Variants in XPNPEP1 observed in about 807,000 individuals in gnomAD.
XPNPEP1 encodes xaa-Pro aminopeptidase 1.
Under a neutral mutation model 92.4 loss-of-function variants are expected in XPNPEP1, and 39 were observed. The ratio of observed to expected loss-of-function variants is 0.42; its 90% CI spans 0.33 to 0.55. The LOEUF is 0.55. Ranked by LOEUF, XPNPEP1 falls within the 20% of genes least tolerant of loss-of-function variation. The pLI, the probability that XPNPEP1 is intolerant of heterozygous loss-of-function variation, is 0.08. For missense variants in XPNPEP1, 654 were observed against 856.1 expected (o/e 0.76, Z 2.95); for synonymous variants, 307 against 299.4 (o/e 1.03, Z -0.26).
Position 109,874,410 on chromosome 10 carries a change from T to C in XPNPEP1, c.1392-983A>G, listed in dbSNP as rs146786114. Among the ~76,000 whole-genome samples, 1,161 of 152,294 alleles carry C rather than the reference T, an allele frequency of 7.6e-3. 21 individuals carry two copies. The highest frequency in any genetic ancestry group is 0.026 in the African/African-American group (1,100 of 41,556). On this transcript the variant is annotated intron_variant, in intron 15 of 20. Transcript: ENST00000502935. ...GAGACCCTAAAAATATCCAAGTACATATCTTAACACACACTAGACTATATC... is the reference window on the plus strand; with the variant it reads ...GAGACCCTAAAAATATCCAAGTACACATCTTAACACACACTAGACTATATC...
At position 109,870,400 on chromosome 10, in the gene XPNPEP1, C is replaced by T. The variant is rs192685473; in HGVS notation, c.1696+331G>A. Among the ~76,000 whole-genome samples the T allele has an allele frequency of 1.5e-3, 223 of 152,024 alleles. 1 individual carries two copies. The highest frequency in any genetic ancestry group is 5.2e-3 in the African/African-American group (216 of 41,456). On this transcript the variant is annotated intron_variant, in intron 18 of 20. Transcript: ENST00000502935. Reference sequence around the variant, plus strand: ...AAAGGCAATGTATCAAGTAAGAAAGCAGAACATAAGACAAGATGCCCAGTA... The same window carrying T: ...AAAGGCAATGTATCAAGTAAGAAAGTAGAACATAAGACAAGATGCCCAGTA...
Position 109,877,781 on chromosome 10 carries a change from A to G in XPNPEP1, c.1319+9T>C. On this transcript the variant is annotated intron_variant, in intron 14 of 20. Coordinates refer to ENST00000502935, the MANE Select transcript of XPNPEP1 (RefSeq NM_020383.4). The stretch of plus-strand genomic sequence containing the variant: ...AAGGCCAGGCAGCATGCTCCTCCGC[A>G]TGCCTTACGCGTAGTGAATGATGGC... The G allele has an allele frequency of 1.9e-6, 3 of 1,614,110 alleles. No individual in the cohort carries two copies. The highest frequency in any genetic ancestry group is 4.5e-5 in the East Asian group (2 of 44,894).
At chr10:109,914,164 C>T (rs1350392832) in intron 2 of XPNPEP1, among the ~76,000 whole-genome samples, 3 of 151,776 alleles carry the variant, frequency 2.0e-5, no homozygotes, top group Non-Finnish European at 2.9e-5. Context: ...TACAGTAATA[C>T]ACCACTTTTC....
At chr10:109,897,191 T>C (rs1394731805) in intron 3 of XPNPEP1, among the ~76,000 whole-genome samples, 1 of 151,942 alleles carries the variant, frequency 6.6e-6, no homozygotes, top group Non-Finnish European at 1.5e-5. Context: ...CATGAGAAAT[T>C]ACCCAATTTT....
chr10:109,905,001 A>G (rs1043852062), intron 3 of XPNPEP1, among the ~76,000 whole-genome samples: 2 of 152,228 alleles, frequency 1.3e-5, no homozygotes, highest in African/African-American at 4.8e-5. Context: ...CAAGAGGTGG[A>G]AAAAACTGAA....
At chr10:109,884,816 A>G (rs180909958) in intron 8 of XPNPEP1, among the ~76,000 whole-genome samples, 1 of 152,366 alleles carries the variant, frequency 6.6e-6, no homozygotes, top group East Asian at 1.9e-4. Flanking sequence ...AGACCAGGAG[A>G]GAGCACAGTT....
rs773199643 is a variant in XPNPEP1 at position 109,891,854 on chromosome 10, G to T, written c.311-28C>A. 3 of 1,606,464 alleles carry T rather than the reference G, an allele frequency of 1.9e-6. No individual in the cohort carries two copies. The South Asian group carries it at 3.3e-5, about 18-fold the overall frequency. ...GAAGCAGGGGAGAAAAAAAAAAGAA[G>T]AAGAAAGGTTTCTAACAACTGCTCA... is the stretch of plus-strand genomic sequence containing the variant. On this transcript the variant is annotated intron_variant, in intron 4 of 20. Transcript: ENST00000502935.
intron 1 of XPNPEP1, among the ~76,000 whole-genome samples, chr10:109,917,366 G>C (rs941394500): frequency 2.0e-5 from 3 of 151,974 alleles, no homozygotes; most frequent in Non-Finnish European, 4.4e-5. Flanking sequence ...ATAAAATTAA[G>C]AAAAGTCCAT....
chr10:109,870,920 A>G lies in XPNPEP1; in HGVS notation c.1523-16T>C, dbSNP rs1290838102. On this transcript the variant is annotated splice_polypyrimidine_tract_variant and intron_variant, in intron 17 of 20. Coordinates refer to ENST00000502935, the MANE Select transcript of XPNPEP1 (RefSeq NM_020383.4). ...AGAAGGTGACCTGAAAGACATAAAG[A>G]GCCACTTAATTGTATTTGTACAGCG... 1 of 1,611,452 alleles carries G rather than the reference A, an allele frequency of 6.2e-7. No individual in the cohort carries two copies. The highest frequency in any genetic ancestry group is 1.7e-5 in the Admixed American group (1 of 59,390).
chr10:109,888,665 C>T (rs1848538964), intron 5 of XPNPEP1, 70 bp from the exon 6 acceptor site: 4 of 1,268,786 alleles, frequency 3.2e-6, no homozygotes, highest in Non-Finnish European at 4.4e-6. Context: ...CAGAAAGATA[C>T]AATTCTCTAA....
intron 16 of XPNPEP1, among the ~76,000 whole-genome samples, chr10:109,872,870 C>T (rs562527893): frequency 6.6e-5 from 10 of 152,176 alleles, no homozygotes; most frequent in Non-Finnish European, 1.5e-4. Context: ...GAAGCCAGGT[C>T]TCCAGACCCC....
intron 5 of XPNPEP1, among the ~76,000 whole-genome samples, chr10:109,890,463 GA>G (rs2133440664): frequency 6.6e-6 from 1 of 152,068 alleles, no homozygotes; most frequent in African/African-American, 2.4e-5. Flanking sequence ...GCGGGTGCTT[GA>G]CTCCCATTAA....
intron 3 of XPNPEP1, among the ~76,000 whole-genome samples, chr10:109,902,794 A>C (rs748918728): frequency 5.3e-5 from 8 of 152,204 alleles, no homozygotes; most frequent in Non-Finnish European, 1.0e-4. Context: ...TACAAAACAC[A>C]TCTGTCTCAG....
intron 3 of XPNPEP1, 116 bp from the exon 4 acceptor site, chr10:109,893,191 C>A: frequency 1.1e-6 from 1 of 917,172 alleles, no homozygotes; most frequent in South Asian, 1.6e-5. Flanking sequence ...AATCCTTGGC[C>A]CCCGCCCTCA....
intron 2 of XPNPEP1, among the ~76,000 whole-genome samples, chr10:109,910,584 C>T (rs1424890583): frequency 6.6e-6 from 1 of 151,778 alleles, no homozygotes; most frequent in Non-Finnish European, 1.5e-5. Context: ...TAAGGTTCCT[C>T]TATGTCTTTT....
chr10:109,880,830 T>C lies in XPNPEP1; in HGVS notation c.1131+12A>G. The C allele has an allele frequency of 6.2e-7, 1 of 1,613,228 alleles. No individual in the cohort carries two copies. Among genetic ancestry groups the C allele is most frequent in the Non-Finnish European group, 8.5e-7 (1 of 1,179,630 alleles). The stretch of plus-strand genomic sequence containing the variant: ...CTCACATCCCATCTTCTGCACCAGC[T>C]CCTCTACTCACGTGAGCCCGCCTCA... On this transcript the variant is annotated intron_variant, in intron 11 of 20. Transcript: ENST00000502935.
intron 9 of XPNPEP1, chr10:109,883,826 G>T: frequency 2.4e-6 from 1 of 421,028 alleles, no homozygotes; most frequent in East Asian, 3.8e-5. Context: ...ACATCAAATG[G>T]GTGGCCCGAA....
chr10:109,865,066 C>A lies in XPNPEP1; in HGVS notation c.*118G>T. 7.0e-7 allele frequency: 1 copy of A among 1,420,974 alleles called. No individual in the cohort carries two copies. Among genetic ancestry groups the A allele is most frequent in the Non-Finnish European group, 9.6e-7 (1 of 1,039,020 alleles). 88.0% of individuals were successfully genotyped at this position (1,420,974 alleles called of 1,614,324 possible). A position where few individuals can be genotyped will look rare whatever the true frequency, so the allele number is the denominator to read the frequency against. ...GAAGATTTTCTGTTCTTCTTAAAGT[C>A]TAAAGTAAAAAGGGGAGGTAGGGAA... On this transcript the variant is annotated 3_prime_UTR_variant, in exon 21 of 21. Coordinates refer to ENST00000502935, the MANE Select transcript of XPNPEP1 (RefSeq NM_020383.4).
intron 3 of XPNPEP1, among the ~76,000 whole-genome samples, chr10:109,906,264 T>A (rs116014373): frequency 3.2e-4 from 49 of 152,242 alleles, no homozygotes; most frequent in African/African-American, 1.1e-3. Context: ...TTGCTACATA[T>A]ACCAATCAAG....
Sources: gnomAD v4.1 joint callset for allele counts (sites outside exome capture counted in the v4.1 genomes callset) on GRCh38, gnomAD v4.1.1 for gene constraint, MANE v1.5 for transcripts, NCBI Gene and HGNC (gene_info 2026-07-23, HGNC 2026-07-21) for gene names.